ERCC8: variants seen among roughly 807,000 people sequenced by gnomAD.
ERCC8 encodes the protein ERCC excision repair 8, CSA ubiquitin ligase complex subunit.
ERCC8 carries 52 observed loss-of-function variants against 54.9 expected under a neutral mutation model. The ratio of observed to expected loss-of-function variants is 0.95; its 90% CI spans 0.76 to 1.19. The LOEUF is 1.19. Among genes scored for constraint, ERCC8 ranks in the 50% most tolerant of loss-of-function variants. The probability of loss-of-function intolerance (pLI) is 0.00; values close to 1 mark genes in which losing one functional copy is unlikely to be tolerated. For synonymous variants in ERCC8, 146 were observed against 157.2 expected (o/e 0.93, Z 0.53); for missense variants, 514 against 466.1 (o/e 1.10, Z -0.95).
chr5:60,882,528 G>GT (rs1266692565), intron 11 of ERCC8, among the ~76,000 whole-genome samples: 1 of 152,052 alleles, frequency 6.6e-6, no homozygotes, highest in Non-Finnish European at 1.5e-5. Flanking sequence ...CTAAGTAGCT[G>GT]TGACTACAGG....
intron 4 of ERCC8, chr5:60,910,073 G>A (rs2112503822): frequency 6.6e-6 from 1 of 152,184 alleles, no homozygotes; most frequent in African/African-American, 2.4e-5. Flanking sequence ...TTAACACTAG[G>A]CTATTAGTAG....
At chr5:60,931,387 G>C (rs1749905360) in intron 1 of ERCC8, among the ~76,000 whole-genome samples, 1 of 152,012 alleles carries the variant, frequency 6.6e-6, no homozygotes, top group Non-Finnish European at 1.5e-5. Context: ...GTTCACTATA[G>C]CCTCAAACTC....
At chr5:60,918,108 C>G in intron 4 of ERCC8, 157 bp downstream of exon 4, 1 of 637,686 alleles carries the variant, frequency 1.6e-6, no homozygotes, top group Non-Finnish European at 2.9e-6. Context: ...GCAGCACAGC[C>G]AGGATATGAA....
intron 1 of ERCC8, among the ~76,000 whole-genome samples, chr5:60,944,707 C>A (rs1750375230): frequency 1.1e-4 from 1 of 9,244 alleles, no homozygotes; most frequent in Admixed American, 1.5e-3. Context: ...GCGGGGGAAC[C>A]CCCCCCCCAC....
intron 11 of ERCC8, among the ~76,000 whole-genome samples, chr5:60,876,151 T>C (rs897096654): frequency 1.4e-4 from 22 of 152,142 alleles, no homozygotes; most frequent in African/African-American, 5.1e-4. Context: ...GTCCTTGCAA[T>C]AGTTTGTTGA....
Position 60,868,782 on chromosome 5 carries a change from C to T in ERCC8, c.*5833G>A, listed in dbSNP as rs1159679883. Among the ~76,000 whole-genome samples, 1 of 152,166 alleles carries T rather than the reference C, an allele frequency of 6.6e-6. No individual in the cohort carries two copies. Among genetic ancestry groups the T allele is most frequent in the Non-Finnish European group, 1.5e-5 (1 of 68,016 alleles). On this transcript the variant is annotated 3_prime_UTR_variant, in exon 12 of 12. Transcript: ENST00000676185. ...AGAAGAAAAAATGTTTATGATTAAA[C>T]TTCGTTAGTTTTCTTCCCTGAATTT...
In ERCC8 at chr5:60,870,297, C is replaced by A. The variant is rs1420687594; in HGVS notation, c.*4318G>T. 6.6e-6 allele frequency among the ~76,000 whole-genome samples: 1 copy of A among 151,234 alleles called. No individual in the cohort carries two copies. Among genetic ancestry groups the A allele is most frequent in the African/African-American group, 2.4e-5 (1 of 41,172 alleles). On this transcript the variant is annotated 3_prime_UTR_variant, in exon 12 of 12. Coordinates refer to ENST00000676185, the MANE Select transcript of ERCC8 (RefSeq NM_000082.4). ...CCAACTACAGTTCTAAGAATTGAAA[C>A]AAAACAAAACAAAAAGGGCAAGGAG...
chr5:60,920,872 T>A (rs970279312), intron 3 of ERCC8, among the ~76,000 whole-genome samples: 2 of 151,894 alleles, frequency 1.3e-5, no homozygotes, highest in Admixed American at 6.6e-5. Context: ...ATAAATTTAA[T>A]GTTAAAATGT....
At chr5:60,911,656 G>A (rs543977474) in intron 4 of ERCC8, among the ~76,000 whole-genome samples, 166 of 152,236 alleles carry the variant, frequency 1.1e-3, no homozygotes, top group Middle Eastern at 3.4e-3. Context: ...TAGACATGAA[G>A]TCCTTGCCCA....
At chr5:60,938,009 G>A (rs2694518) in intron 1 of ERCC8, among the ~76,000 whole-genome samples, 87,005 of 136,380 alleles carry the variant, frequency 0.64, 28,429 homozygotes, top group East Asian at 0.95. Flanking sequence ...ATATGTATGC[G>A]TGTGTGTGTG....
At chr5:60,915,397 A>G (rs528037131) in intron 4 of ERCC8, 9 of 152,170 alleles carry the variant, frequency 5.9e-5, no homozygotes, top group Non-Finnish European at 1.0e-4. Context: ...TATCAATTCA[A>G]ACATAAAGCT....
intron 6 of ERCC8, chr5:60,903,374 C>CTT: frequency 5.2e-6 from 2 of 386,882 alleles, no homozygotes; most frequent in Non-Finnish European, 9.3e-6. Flanking sequence ...TTGCATTAGT[C>CTT]TTTTTAATGT....
chr5:60,936,528 C>T (rs1750071207), intron 1 of ERCC8, among the ~76,000 whole-genome samples: 1 of 151,970 alleles, frequency 6.6e-6, no homozygotes, highest in African/African-American at 2.4e-5. Flanking sequence ...TCATTTATTT[C>T]TGCTCTGATC....
chr5:60,932,314 T>C (rs985836351), intron 1 of ERCC8, among the ~76,000 whole-genome samples: 9 of 152,150 alleles, frequency 5.9e-5, no homozygotes, highest in African/African-American at 2.2e-4. Flanking sequence ...TTGGTTACAG[T>C]CTGGGATTTC....
At chr5:60,878,021 C>T (rs1165371000) in intron 11 of ERCC8, among the ~76,000 whole-genome samples, 4 of 152,146 alleles carry the variant, frequency 2.6e-5, no homozygotes, top group African/African-American at 9.7e-5. Context: ...TCATAGATAG[C>T]TCTTGTTATT....
chr5:60,903,566 C>A lies in ERCC8; in HGVS notation c.550+82G>T, dbSNP rs191031496. ...CAAAGTACATTAGTCATGTCACTTA[C>A]AAAGAATACACTGTTAGTAACGTTT... On this transcript the variant is annotated intron_variant, in intron 6 of 11. Transcript: ENST00000676185. 3,099 of 1,589,388 alleles carry A rather than the reference C, an allele frequency of 1.9e-3. 9 individuals carry two copies. The highest frequency in any genetic ancestry group is 2.5e-3 in the Admixed American group (143 of 57,544).
intron 11 of ERCC8, among the ~76,000 whole-genome samples, chr5:60,876,039 C>G (rs1035498697): frequency 1.3e-5 from 2 of 152,208 alleles, no homozygotes; most frequent in African/African-American, 4.8e-5. Context: ...TACCCCCACC[C>G]CACAACAGGT....
At chr5:60,876,378 C>T (rs1442797876) in intron 11 of ERCC8, among the ~76,000 whole-genome samples, 1 of 152,144 alleles carries the variant, frequency 6.6e-6, no homozygotes, top group Non-Finnish European at 1.5e-5. Flanking sequence ...GTTTTATAAT[C>T]CTTTGGGTAT....
At position 60,874,279 on chromosome 5, in the gene ERCC8, C is replaced by T. The variant is rs145230004; in HGVS notation, c.*336G>A. The T allele has an allele frequency of 1.4e-5, 3 of 213,636 alleles. No individual in the cohort carries two copies. Among genetic ancestry groups the T allele is most frequent in the African/African-American group, 6.9e-5 (3 of 43,424 alleles). 13.2% of individuals were successfully genotyped at this position (213,636 alleles called of 1,614,324 possible). A position where few individuals can be genotyped will look rare whatever the true frequency, so the allele number is the denominator to read the frequency against. ...GTAAGAGAAAGTCAATACTGATGGC[C>T]TCCACTTGCTGATCCTCTGAGACTG... On this transcript the variant is annotated 3_prime_UTR_variant, in exon 12 of 12. Transcript: ENST00000676185.
Sources: gnomAD v4.1 joint callset for allele counts (sites outside exome capture counted in the v4.1 genomes callset) on GRCh38, gnomAD v4.1.1 for gene constraint, MANE v1.5 for transcripts, NCBI Gene and HGNC (gene_info 2026-07-23, HGNC 2026-07-21) for gene names.